The following SOX5 variants were observed in gnomAD, a reference collection of about 807,000 sequenced individuals.
SOX5 encodes the protein transcription factor SOX-5.
SOX5 carries 9 observed loss-of-function variants against 92.0 expected under a neutral mutation model. That is an observed-to-expected ratio of 0.10 (90% CI 0.06 to 0.17). The LOEUF is 0.17. SOX5 is among the 10% of genes least tolerant of loss of function. The pLI is 1.00. For missense variants in SOX5, 642 were observed against 944.5 expected (o/e 0.68, Z 4.20); for synonymous variants, 344 against 336.3 (o/e 1.02, Z -0.25).
chr12:24,119,385 C>T (rs1593329958), intron 4 of SOX5, among the ~76,000 whole-genome samples: 1 of 152,174 alleles, frequency 6.6e-6, no homozygotes, highest in Non-Finnish European at 1.5e-5. Flanking sequence ...GTTAGGCATG[C>T]CTCACATATG....
intron 6 of SOX5, among the ~76,000 whole-genome samples, chr12:23,676,669 G>A (rs2085753089): frequency 6.6e-6 from 1 of 152,212 alleles, no homozygotes; most frequent in Non-Finnish European, 1.5e-5. Flanking sequence ...AAGACATGGA[G>A]GAAGTCAGAC....
intron 9 of SOX5, among the ~76,000 whole-genome samples, chr12:23,601,930 G>A (rs1336450020): frequency 6.6e-6 from 1 of 152,072 alleles, no homozygotes; most frequent in Non-Finnish European, 1.5e-5. Flanking sequence ...AGCAAAGAAA[G>A]GGCATATTTT....
intron 2 of SOX5, among the ~76,000 whole-genome samples, chr12:23,873,953 A>C (rs980466146): frequency 6.6e-6 from 1 of 152,322 alleles, no homozygotes; most frequent in South Asian, 2.1e-4. Flanking sequence ...ATTGAGTTAC[A>C]GGTTTTCTGG....
chr12:24,491,075 T>C (rs184574178), intron 1 of SOX5, among the ~76,000 whole-genome samples: 2 of 151,830 alleles, frequency 1.3e-5, no homozygotes, highest in Admixed American at 6.5e-5. Context: ...TCTTTCCTTC[T>C]TTCTTTCTTT....
chr12:23,587,965 T>G (rs1950980190), intron 9 of SOX5, among the ~76,000 whole-genome samples: 1 of 152,080 alleles, frequency 6.6e-6, no homozygotes, highest in Non-Finnish European at 1.5e-5. Context: ...GATTTATAGC[T>G]GATGTCTGCA....
intron 2 of SOX5, among the ~76,000 whole-genome samples, chr12:24,302,929 C>T (rs1220533976): frequency 6.6e-6 from 1 of 151,784 alleles, no homozygotes; most frequent in African/African-American, 2.4e-5. Context: ...AAAACAACAA[C>T]AGTAACAAAA....
intron 4 of SOX5, among the ~76,000 whole-genome samples, chr12:23,966,023 G>A (rs1228828818): frequency 1.3e-5 from 2 of 151,938 alleles, no homozygotes; most frequent in Admixed American, 6.6e-5. Context: ...ATTGCTTAAT[G>A]CAGGTTATTT....
intron 1 of SOX5, among the ~76,000 whole-genome samples, chr12:24,442,384 A>C (rs1196305489): frequency 6.6e-6 from 1 of 152,190 alleles, no homozygotes; most frequent in Non-Finnish European, 1.5e-5. Context: ...CCCTGTATCC[A>C]AGAACATTAT....
At chr12:23,923,987 C>T (rs1010451093) in intron 1 of SOX5, among the ~76,000 whole-genome samples, 3 of 152,152 alleles carry the variant, frequency 2.0e-5, no homozygotes, top group Non-Finnish European at 4.4e-5. Context: ...ATAAAGTGGT[C>T]TTGTGATGCT....
intron 4 of SOX5, among the ~76,000 whole-genome samples, chr12:24,038,594 GA>G (rs1264045143): frequency 2.6e-5 from 4 of 151,816 alleles, no homozygotes; most frequent in African/African-American, 7.3e-5. Context: ...TTTTTTTCAA[GA>G]GTGAAAAGTG....
chr12:24,108,182 C>G (rs543096191), intron 4 of SOX5, among the ~76,000 whole-genome samples: 2 of 152,270 alleles, frequency 1.3e-5, no homozygotes, highest in East Asian at 3.9e-4. Context: ...TTTCAGTGAT[C>G]CAAGCTATAT....
intron 5 of SOX5, among the ~76,000 whole-genome samples, chr12:23,737,623 A>T (rs1436324347): frequency 6.6e-6 from 1 of 152,186 alleles, no homozygotes; most frequent in Non-Finnish European, 1.5e-5. Context: ...GCCGGTGTAC[A>T]TATAATGCCT....
intron 8 of SOX5, among the ~76,000 whole-genome samples, chr12:23,606,537 CA>C (rs2137587599): frequency 6.6e-6 from 1 of 151,750 alleles, no homozygotes; most frequent in Non-Finnish European, 1.5e-5. Context: ...ATATTACTGA[CA>C]AAATTATTGG....
chr12:23,597,897 T>C (rs1952730936), intron 9 of SOX5, among the ~76,000 whole-genome samples: 1 of 152,234 alleles, frequency 6.6e-6, no homozygotes. Context: ...TCAATTTAAA[T>C]GCGGTTATAA....
intron 2 of SOX5, among the ~76,000 whole-genome samples, chr12:24,355,339 G>C (rs910666572): frequency 9.0e-6 from 1 of 110,556 alleles, no homozygotes; most frequent in Non-Finnish European, 1.7e-5. Context: ...ATGGAGTCTC[G>C]CTCTGTCACC....
chr12:23,762,403 C>T (rs1412455893), intron 3 of SOX5: 6 of 378,212 alleles, frequency 1.6e-5, no homozygotes, highest in South Asian at 2.4e-4. Flanking sequence ...AGCAAGATTC[C>T]CCCCTCTAAA....
chr12:23,604,918 C>T (rs73275905), intron 8 of SOX5, among the ~76,000 whole-genome samples: 34 of 152,164 alleles, frequency 2.2e-4, no homozygotes, highest in African/African-American at 8.0e-4. Context: ...TTCTACTATC[C>T]ATATTGGTTC....
At chr12:24,153,596 ATCT>A (rs1478987373) in intron 4 of SOX5, among the ~76,000 whole-genome samples, 1 of 152,098 alleles carries the variant, frequency 6.6e-6, no homozygotes, top group African/African-American at 2.4e-5. Flanking sequence ...GGTTATCAAC[ATCT>A]TCTTTCCTGC....
chr12:24,416,588 A>G (rs1430478614), intron 1 of SOX5, among the ~76,000 whole-genome samples: 1 of 152,220 alleles, frequency 6.6e-6, no homozygotes, highest in African/African-American at 2.4e-5. Context: ...TAATGTTTCA[A>G]TTCCTGATTT....
Sources: allele counts gnomAD v4.1 joint callset (sites outside exome capture counted in the v4.1 genomes callset), GRCh38; gene constraint gnomAD v4.1.1; transcripts MANE v1.5; gene names NCBI Gene and HGNC (gene_info 2026-07-23, HGNC 2026-07-21).